Variants in MMS22L observed in about 807,000 individuals in gnomAD.
The protein encoded by MMS22L is MMS22 like, DNA repair protein.
In MMS22L, 74 loss-of-function variants were observed where a neutral mutation model predicts 159.1. The ratio of observed to expected loss-of-function variants is 0.47; its 90% CI spans 0.39 to 0.56. MMS22L has a LOEUF of 0.56. Ranked by LOEUF, MMS22L falls within the 20% of genes least tolerant of loss-of-function variation. The pLI is 0.00. For missense variants in MMS22L, 1,351 were observed against 1,422.1 expected, an observed-to-expected ratio of 0.95 and a Z score of 0.80; for synonymous variants, 517 against 506.9, an observed-to-expected ratio of 1.02 and a Z score of -0.27.
At chr6:97,266,547 A>C (rs1275604026) in intron 8 of MMS22L, 1 of 152,210 alleles carries the variant, frequency 6.6e-6, no homozygotes, top group East Asian at 1.9e-4. Flanking sequence ...TATTGTACTT[A>C]AACTTTTTCA....
chr6:97,244,951 T>G, intron 11 of MMS22L, among the ~76,000 whole-genome samples: 1 of 151,926 alleles, frequency 6.6e-6, no homozygotes, highest in East Asian at 1.9e-4. Flanking sequence ...CCTCTGCTGC[T>G]TCATAAAGGT....
chr6:97,228,671 C>A (rs1810510377), intron 14 of MMS22L, among the ~76,000 whole-genome samples: 1 of 152,086 alleles, frequency 6.6e-6, no homozygotes, highest in East Asian at 1.9e-4. Context: ...AATCCAAAAT[C>A]CAAAACACTT....
intron 4 of MMS22L, among the ~76,000 whole-genome samples, chr6:97,278,465 T>C (rs1816459420): frequency 6.8e-6 from 1 of 146,932 alleles, no homozygotes; most frequent in Admixed American, 6.7e-5. Flanking sequence ...AAAAAATCAG[T>C]AATCCATCAC....
chr6:97,186,079 T>C (rs1805193290), intron 15 of MMS22L, among the ~76,000 whole-genome samples: 1 of 152,160 alleles, frequency 6.6e-6, no homozygotes, highest in Non-Finnish European at 1.5e-5. Context: ...ATATATTCAG[T>C]GTCATTCTGA....
chr6:97,258,155 A>G (rs1213138905), intron 9 of MMS22L, among the ~76,000 whole-genome samples: 6 of 152,312 alleles, frequency 3.9e-5, no homozygotes, highest in African/African-American at 1.2e-4. Flanking sequence ...TGATATCCTT[A>G]TTGTATCAAA....
chr6:97,190,032 G>T (rs1805705646), intron 14 of MMS22L, among the ~76,000 whole-genome samples: 1 of 152,122 alleles, frequency 6.6e-6, no homozygotes, highest in Admixed American at 6.5e-5. Context: ...GCAGACACTG[G>T]TAATTTTTTA....
At position 97,146,068 on chromosome 6, in the gene MMS22L, GTC is replaced by G. The variant is rs1229828569; in HGVS notation, c.*736_*737del. The G allele has an allele frequency of 4.0e-5, 6 of 151,060 alleles. No individual in the cohort carries two copies. Among genetic ancestry groups the G allele is most frequent in the African/African-American group, 1.5e-4 (6 of 41,094 alleles). 9.4% of individuals were successfully genotyped at this position (151,060 alleles called of 1,614,324 possible). Reference sequence around the variant, plus strand: ...TATTTTTATTTACTCTCCTCTTAAAGTCTCCTTTATTTCCTCCTCCTGATATG... The same window carrying G: ...TATTTTTATTTACTCTCCTCTTAAAGTCCTTTATTTCCTCCTCCTGATATG... On this transcript the variant is annotated 3_prime_UTR_variant, in exon 25 of 25. Coordinates refer to ENST00000683635, the MANE Select transcript of MMS22L (RefSeq NM_001350599.2).
At chr6:97,216,093 G>A (rs563371598) in intron 14 of MMS22L, among the ~76,000 whole-genome samples, 1 of 152,262 alleles carries the variant, frequency 6.6e-6, no homozygotes, top group South Asian at 2.1e-4. Context: ...CCACAAGGCG[G>A]ATGAAGAAAG....
intron 11 of MMS22L, among the ~76,000 whole-genome samples, chr6:97,245,697 G>A (rs753603572): frequency 2.6e-5 from 4 of 151,962 alleles, no homozygotes; most frequent in Non-Finnish European, 5.9e-5. Flanking sequence ...AGAATTCTTT[G>A]GCATTCTAAG....
chr6:97,282,324 C>G lies in MMS22L; in HGVS notation c.154G>C (p.Ala52Pro). The G allele has an allele frequency of 6.2e-7, 1 of 1,613,948 alleles. No individual in the cohort carries two copies. The highest frequency in any genetic ancestry group is 1.7e-5 in the Admixed American group (1 of 59,982). ...FSGESYLCSGALKRLILNLDP... is the reference protein window; with the variant it reads ...FSGESYLCSGPLKRLILNLDP... ...CTGAGTTTTACCTACCGCTTAAGGG[C>G]TCCGCTGCAGAGGTAGGATTCTCCA... is the stretch of plus-strand genomic sequence containing the variant. Residue 52 changes from alanine to proline, a missense_variant, in exon 2 of 25, where the codon GCC becomes CCC. Ala to Pro is a conservative substitution (Grantham distance 27). Transcript: ENST00000683635.
At chr6:97,166,197 T>C (rs1477698834) in intron 20 of MMS22L, among the ~76,000 whole-genome samples, 1 of 152,116 alleles carries the variant, frequency 6.6e-6, no homozygotes, top group African/African-American at 2.4e-5. Flanking sequence ...TCATATATAT[T>C]ACAGTATTTA....
At chr6:97,268,245 C>T (rs1308575699) in intron 7 of MMS22L, among the ~76,000 whole-genome samples, 4 of 149,014 alleles carry the variant, frequency 2.7e-5, no homozygotes, top group African/African-American at 9.9e-5. Flanking sequence ...AGTGCAGTGA[C>T]GCGATCTCAG....
chr6:97,247,029 GT>G lies in MMS22L; in HGVS notation c.1120-340del, dbSNP rs5878473. 9.0e-4 allele frequency among the ~76,000 whole-genome samples: 130 copies of G among 144,406 alleles called. 2 individuals carry two copies. The highest frequency in any genetic ancestry group is 1.5e-3 in the Non-Finnish European group (101 of 66,450). 94.7% of individuals were successfully genotyped at this position (144,406 alleles called of 152,430 possible). On this transcript the variant is annotated intron_variant, in intron 10 of 24. Transcript: ENST00000683635. ...ATAGCCACATGTATTTTTGGTGTTT[GT>G]TTTTTTTTTTATGCTGAGTAATCAT...
Position 97,150,025 on chromosome 6 carries a change from A to C in MMS22L, c.3483-5T>G. On this transcript the variant is annotated splice_polypyrimidine_tract_variant and splice_region_variant and intron_variant, in intron 23 of 24. Transcript: ENST00000683635. ...CCATAATCCTGGATAAACTGCCTGA[A>C]AGTAAAACAGGTTTATTTAGGATTA... 1.9e-6 allele frequency: 3 copies of C among 1,612,256 alleles called. No homozygotes were observed. Among genetic ancestry groups the C allele is most frequent in the Non-Finnish European group, 2.5e-6 (3 of 1,179,112 alleles).
intron 16 of MMS22L, among the ~76,000 whole-genome samples, 200 bp downstream of exon 16, chr6:97,181,704 T>A (rs948151891): frequency 6.6e-6 from 1 of 151,948 alleles, no homozygotes; most frequent in African/African-American, 2.4e-5. Context: ...TTTTTTTTTT[T>A]AAAGCAGGCC....
chr6:97,175,668 G>GA lies in MMS22L; in HGVS notation c.2680-2447dup, dbSNP rs994896080. On this transcript the variant is annotated intron_variant, in intron 18 of 24. Coordinates refer to ENST00000683635, the MANE Select transcript of MMS22L (RefSeq NM_001350599.2). Reference sequence around the variant, plus strand: ...TGACACACTTCATTATTTATATCAGGAAAAAAAAATCACACCTGCTAATAC... The same window carrying GA: ...TGACACACTTCATTATTTATATCAGGAAAAAAAAAATCACACCTGCTAATAC... Among the ~76,000 whole-genome samples the GA allele has an allele frequency of 1.3e-3, 203 of 150,760 alleles. 2 individuals carry two copies. Among genetic ancestry groups the GA allele is most frequent in the Non-Finnish European group, 1.0e-3 (68 of 67,622 alleles).
intron 7 of MMS22L, 84 bp from the exon 8 acceptor site, chr6:97,268,086 A>G: frequency 4.1e-6 from 4 of 978,786 alleles, no homozygotes; most frequent in Non-Finnish European, 5.5e-6. Flanking sequence ...TTAAATTATA[A>G]CAAAACTAAA....
In MMS22L at chr6:97,234,854, A is replaced by C. The variant is rs188753140; in HGVS notation, c.1183-874T>G. On this transcript the variant is annotated intron_variant, in intron 11 of 24. Coordinates refer to ENST00000683635, the MANE Select transcript of MMS22L (RefSeq NM_001350599.2). The stretch of plus-strand genomic sequence containing the variant: ...TGAACTACATGATTAAATGAAAGTC[A>C]ATAAAGACTTGGAAGAAAAACATTC... 3.2e-3 allele frequency among the ~76,000 whole-genome samples: 482 copies of C among 152,350 alleles called. 4 individuals carry two copies. Among genetic ancestry groups the C allele is most frequent in the Non-Finnish European group, 3.5e-3 (240 of 68,030 alleles).
intron 22 of MMS22L, among the ~76,000 whole-genome samples, chr6:97,155,513 T>C (rs1004125910): frequency 6.6e-6 from 1 of 152,124 alleles, no homozygotes; most frequent in African/African-American, 2.4e-5. Flanking sequence ...CCTCCCTGTG[T>C]CCATGTGTAC....
Sources: allele counts gnomAD v4.1 joint callset (sites outside exome capture counted in the v4.1 genomes callset), GRCh38; gene constraint gnomAD v4.1.1; transcripts MANE v1.5; gene names NCBI Gene and HGNC (gene_info 2026-07-23, HGNC 2026-07-21).